The following WASHC5 variants were observed in gnomAD, a reference collection of about 807,000 sequenced individuals.
The protein encoded by WASHC5 is WASH complex subunit strumpellin.
Under a neutral mutation model 150.4 loss-of-function variants are expected in WASHC5, and 101 were observed. That is an observed-to-expected ratio of 0.67 (90% CI 0.57 to 0.79). The LOEUF is 0.79. Ranked by LOEUF, WASHC5 falls within the 30% of genes least tolerant of loss-of-function variation. The probability of loss-of-function intolerance (pLI) is 0.00; values close to 1 mark genes in which losing one functional copy is unlikely to be tolerated. For synonymous variants in WASHC5, 467 were observed against 491.2 expected (o/e 0.95, Z 0.65); for missense variants, 1,195 against 1,396.3 (o/e 0.86, Z 2.30).
At position 125,069,545 on chromosome 8, in the gene WASHC5, C is replaced by T. The variant is rs183536897; in HGVS notation, c.1151-1826G>A. On this transcript the variant is annotated intron_variant, in intron 9 of 28. Coordinates refer to ENST00000318410, the MANE Select transcript of WASHC5 (RefSeq NM_014846.4). Reference sequence around the variant, plus strand: ...AGGATGTCTGGCAGGTACAGAACAACAATGTTGTATAGATATATGTATATG... The same window carrying T: ...AGGATGTCTGGCAGGTACAGAACAATAATGTTGTATAGATATATGTATATG... Among the ~76,000 whole-genome samples the T allele has an allele frequency of 2.0e-5, 3 of 152,274 alleles. No individual in the cohort carries two copies. In the East Asian group the frequency reaches 5.8e-4, roughly 29 times the overall value.
chr8:125,054,819 C>CAAA (rs111810991), intron 17 of WASHC5, among the ~76,000 whole-genome samples: 13 of 130,984 alleles, frequency 9.9e-5, no homozygotes, highest in Non-Finnish European at 9.9e-5. Context: ...ACCCTTGTCT[C>CAAA]AAAAAAAAAA....
At position 125,059,396 on chromosome 8, in the gene WASHC5, G is replaced by C. The variant is rs199725572; in HGVS notation, c.1668C>G (p.Phe556Leu). The part of the protein sequence containing the change: ...ITMQIVGDLS[F>L]AWQLIDSFTS... ...ATTACCTGTCAATCAACTGCCAAGC[G>C]AAAGAAAGGTCCCCAACGATCTGCA... Residue 556 changes from phenylalanine to leucine, a missense_variant, in exon 13 of 29, where the codon TTC becomes TTG. Transcript: ENST00000318410. The C allele has an allele frequency of 6.2e-7, 1 of 1,614,148 alleles. No homozygotes were observed. The highest frequency in any genetic ancestry group is 1.7e-5 in the Admixed American group (1 of 60,022).
chr8:125,026,268 CT>C (rs1302185012), intron 28 of WASHC5, among the ~76,000 whole-genome samples: 1 of 152,180 alleles, frequency 6.6e-6, no homozygotes, highest in Non-Finnish European at 1.5e-5. Flanking sequence ...TGCCCTTCCC[CT>C]GCTTTTTTTC....
chr8:125,071,883 G>A (rs1816905754), intron 9 of WASHC5, among the ~76,000 whole-genome samples: 1 of 152,176 alleles, frequency 6.6e-6, no homozygotes, highest in Admixed American at 6.6e-5. Flanking sequence ...GGACATTCTA[G>A]GGGAAAAGTC....
chr8:125,069,812 A>G (rs1233185297), intron 9 of WASHC5, among the ~76,000 whole-genome samples: 1 of 152,234 alleles, frequency 6.6e-6, no homozygotes, highest in Non-Finnish European at 1.5e-5. Context: ...TATTTACCTA[A>G]CTAAACAAAA....
chr8:125,078,967 A>G, intron 5 of WASHC5, 37 bp from the exon 6 acceptor site: 1 of 1,552,054 alleles, frequency 6.4e-7, no homozygotes, highest in Non-Finnish European at 8.9e-7. Flanking sequence ...AAGACCCAAA[A>G]CACACATATT....
chr8:125,051,846 T>A (rs1816250214), intron 17 of WASHC5, among the ~76,000 whole-genome samples: 1 of 152,192 alleles, frequency 6.6e-6, no homozygotes. Flanking sequence ...TGCACCATTG[T>A]ACTCCAGCCT....
rs36114959 is a variant in WASHC5 at position 125,064,385 on chromosome 8, A to AT, written c.1279-735dup. Among the ~76,000 whole-genome samples, 129 of 138,028 alleles carry AT rather than the reference A, an allele frequency of 9.3e-4. 1 individual carries two copies. The highest frequency in any genetic ancestry group is 8.3e-3 in the East Asian group (39 of 4,716). 90.6% of individuals were successfully genotyped at this position (138,028 alleles called of 152,430 possible). On this transcript the variant is annotated intron_variant, in intron 10 of 28. Transcript: ENST00000318410. ...ACCTGGTTAATTTTCTTATTTATTTATTTTTTTTTTTTTTGCAGAGATGGG... is the reference window on the plus strand; with the variant it reads ...ACCTGGTTAATTTTCTTATTTATTTATTTTTTTTTTTTTTTGCAGAGATGGG...
chr8:125,047,543 T>C (rs1168210729), intron 19 of WASHC5, among the ~76,000 whole-genome samples: 1 of 151,842 alleles, frequency 6.6e-6, no homozygotes, highest in Non-Finnish European at 1.5e-5. Context: ...GTGCAAGCGA[T>C]TCTTTTGCCT....
At chr8:125,054,819 CAAA>C (rs111810991) in intron 17 of WASHC5, among the ~76,000 whole-genome samples, 1 of 130,984 alleles carries the variant, frequency 7.6e-6, no homozygotes. Flanking sequence ...ACCCTTGTCT[CAAA>C]AAAAAAAAAG....
intron 24 of WASHC5, among the ~76,000 whole-genome samples, chr8:125,039,213 G>A (rs1815809451): frequency 6.6e-6 from 1 of 152,166 alleles, no homozygotes; most frequent in Non-Finnish European, 1.5e-5. Flanking sequence ...TGACTGAACT[G>A]TTCTTAATAC....
intron 11 of WASHC5, among the ~76,000 whole-genome samples, chr8:125,061,847 G>A (rs1816604569): frequency 1.3e-5 from 2 of 152,186 alleles, no homozygotes; most frequent in African/African-American, 2.4e-5. Context: ...ATACAGGGAG[G>A]TGGAAATTGT....
intron 6 of WASHC5, among the ~76,000 whole-genome samples, 191 bp from the exon 7 acceptor site, chr8:125,076,691 C>T (rs185310545): frequency 1.0e-4 from 15 of 149,684 alleles, no homozygotes; most frequent in Admixed American, 9.3e-4. Flanking sequence ...ATTCCTAACA[C>T]CATAATATTC....
chr8:125,051,979 A>C (rs1563618490), intron 17 of WASHC5, among the ~76,000 whole-genome samples: 1 of 152,188 alleles, frequency 6.6e-6, no homozygotes, highest in Non-Finnish European at 1.5e-5. Context: ...CTGGATAATA[A>C]AACTATACAC....
In WASHC5 at chr8:125,044,175, C is replaced by T. The variant is rs1815984698; in HGVS notation, c.2668-81G>A. Reference sequence around the variant, plus strand: ...TTCTCCAGTTACCTAAAATGCTATGCAGAACAGAGGCTGGGCCTAAGTCAC... The same window carrying T: ...TTCTCCAGTTACCTAAAATGCTATGTAGAACAGAGGCTGGGCCTAAGTCAC... On this transcript the variant is annotated intron_variant, in intron 21 of 28. Coordinates refer to ENST00000318410, the MANE Select transcript of WASHC5 (RefSeq NM_014846.4). The T allele has an allele frequency of 3.2e-6, 3 of 945,410 alleles. No individual in the cohort carries two copies. In the Admixed American group the frequency reaches 5.8e-5, roughly 18 times the overall value. The allele number at this position is 945,410 out of a possible 1,614,324, so 58.6% of individuals were successfully genotyped here. A position where few individuals can be genotyped will look rare whatever the true frequency, so the allele number is the denominator to read the frequency against.
At chr8:125,039,713 G>T in intron 24 of WASHC5, 82 bp downstream of exon 24, 2 of 932,074 alleles carry the variant, frequency 2.1e-6, no homozygotes. Context: ...TAACTTAAAA[G>T]AGTAAGAACT....
intron 28 of WASHC5, among the ~76,000 whole-genome samples, chr8:125,027,419 G>A (rs561774500): frequency 1.3e-5 from 2 of 152,312 alleles, no homozygotes; most frequent in South Asian, 2.1e-4. Context: ...ATATACATAC[G>A]ATGGAATGCT....
chr8:125,076,408 G>C lies in WASHC5; in HGVS notation c.804C>G (p.Ile268Met), dbSNP rs1817061426. ...TCATTTTTGCTTGATGGGTGTGAAG[G>C]ATGGAAGGCTCAAAGTAGAGAATCA... ...LYVILYFEPSILHTHQAKMRE... is the reference protein window; with the variant it reads ...LYVILYFEPSMLHTHQAKMRE... The change falls in exon 7 of 29, where the codon ATC (isoleucine) becomes ATG (methionine). Residue 268 changes from isoleucine (I) to methionine (M), a missense_variant. By Grantham distance (10) the Ile-to-Met change is conservative (BLOSUM62 1). Coordinates refer to ENST00000318410, the MANE Select transcript of WASHC5 (RefSeq NM_014846.4). 2 of 1,613,806 alleles carry C rather than the reference G, an allele frequency of 1.2e-6. No individual in the cohort carries two copies. Among genetic ancestry groups the C allele is most frequent in the Non-Finnish European group, 1.7e-6 (2 of 1,179,928 alleles).
intron 12 of WASHC5, among the ~76,000 whole-genome samples, chr8:125,060,811 C>T (rs1280052879): frequency 2.0e-5 from 3 of 151,982 alleles, no homozygotes; most frequent in Non-Finnish European, 4.4e-5. Flanking sequence ...ACAATTTGCC[C>T]AATGTTTCTA....
Sources: gnomAD v4.1 joint callset for allele counts (sites outside exome capture counted in the v4.1 genomes callset) on GRCh38, gnomAD v4.1.1 for gene constraint, MANE v1.5 for transcripts, NCBI Gene and HGNC (gene_info 2026-07-23, HGNC 2026-07-21) for gene names.